The following CENPP variants were observed in gnomAD, a reference collection of about 807,000 sequenced individuals.
The protein encoded by CENPP is centromere protein P.
CENPP carries 24 observed loss-of-function variants against 35.6 expected under a neutral mutation model. The ratio of observed to expected loss-of-function variants is 0.67; its 90% CI spans 0.49 to 0.95. CENPP has a LOEUF of 0.95. Among genes scored for constraint, CENPP ranks in the 40% least tolerant of loss-of-function variants. CENPP has a pLI of 0.00. For missense variants in CENPP, 332 were observed against 345.3 expected (o/e 0.96, Z 0.31); for synonymous variants, 120 against 125.5 (o/e 0.96, Z 0.29).
rs1847369516 is a variant in CENPP at position 92,511,940 on chromosome 9, C to T, written c.565-99374C>T. On this transcript the variant is annotated intron_variant, in intron 5 of 7. Coordinates refer to ENST00000375587, the MANE Select transcript of CENPP (RefSeq NM_001012267.3). ...AGAAGCATTTTCCTTTTCCTCCCTT[C>T]CCCATCTCCAACCAATGCAAGTCAT... is the stretch of plus-strand genomic sequence containing the variant. The T allele has an allele frequency of 9.4e-6, 11 of 1,173,882 alleles. No homozygotes were observed. In the South Asian group the frequency reaches 1.5e-4, roughly 16 times the overall value. The allele number at this position is 1,173,882 out of a possible 1,614,324, so 72.7% of individuals were successfully genotyped here. A position where few individuals can be genotyped will look rare whatever the true frequency, so the allele number is the denominator to read the frequency against.
At chr9:92,403,462 G>T in intron 5 of CENPP, 1 of 1,535,832 alleles carries the variant, frequency 6.5e-7, no homozygotes. Flanking sequence ...TGCTGACTGT[G>T]GGACAAAACT....
intron 5 of CENPP, among the ~76,000 whole-genome samples, chr9:92,567,647 A>G (rs1850028240): frequency 6.6e-6 from 1 of 152,066 alleles, no homozygotes; most frequent in Admixed American, 6.6e-5. Flanking sequence ...AATTTAAGAA[A>G]CTAATGTATT....
chr9:92,385,499 T>G, intron 5 of CENPP: 1 of 854,182 alleles, frequency 1.2e-6, no homozygotes, highest in East Asian at 2.6e-5. Context: ...CTTAAAATAT[T>G]AAATTCCTTC....
At chr9:92,571,682 T>G (rs980257200) in intron 5 of CENPP, among the ~76,000 whole-genome samples, 2 of 152,182 alleles carry the variant, frequency 1.3e-5, no homozygotes, top group Non-Finnish European at 2.9e-5. Context: ...TAGTGGGGTG[T>G]TAAAGTCTCC....
At chr9:92,601,595 TG>T (rs2131387047) in intron 5 of CENPP, among the ~76,000 whole-genome samples, 1 of 152,298 alleles carries the variant, frequency 6.6e-6, no homozygotes, top group Non-Finnish European at 1.5e-5. Context: ...GTGCCTGGCC[TG>T]GTATTAGGCC....
At chr9:92,478,961 C>G (rs1845813771) in intron 5 of CENPP, among the ~76,000 whole-genome samples, 1 of 152,240 alleles carries the variant, frequency 6.6e-6, no homozygotes, top group South Asian at 2.1e-4. Context: ...TTCCTTGTGG[C>G]CTGGCAGCGG....
intron 5 of CENPP, among the ~76,000 whole-genome samples, chr9:92,441,721 T>C (rs531317051): frequency 6.6e-6 from 1 of 152,260 alleles, no homozygotes; most frequent in East Asian, 1.9e-4. Context: ...ATCGCGCCAC[T>C]GCACTCCAGC....
chr9:92,491,221 A>G (rs180670737), intron 5 of CENPP, among the ~76,000 whole-genome samples: 30 of 152,340 alleles, frequency 2.0e-4, no homozygotes, highest in African/African-American at 6.7e-4. Flanking sequence ...TGTAGGACCT[A>G]ACTAATAACA....
At chr9:92,457,064 A>G (rs1398587282) in intron 5 of CENPP, 1 of 1,318,552 alleles carries the variant, frequency 7.6e-7, no homozygotes, top group East Asian at 3.1e-5. Flanking sequence ...ATTTGTACGC[A>G]AAAAGAAACT....
At chr9:92,411,679 G>A (rs1390531526) in intron 5 of CENPP, among the ~76,000 whole-genome samples, 1 of 152,166 alleles carries the variant, frequency 6.6e-6, no homozygotes, top group East Asian at 1.9e-4. Context: ...TATTCATTTA[G>A]GAGGAGATAC....
rs569079681 is a variant in CENPP, at chr9:92,345,142, A to C, written c.379-557A>C. ...GTGGCGGGCACCTGTAGTCCCAGCT[A>C]CTCGGGAGACTGAGGCGGGAGAATG... On this transcript the variant is annotated intron_variant, in intron 3 of 7. Coordinates refer to ENST00000375587, the MANE Select transcript of CENPP (RefSeq NM_001012267.3). Among the ~76,000 whole-genome samples the C allele has an allele frequency of 1.3e-3, 192 of 151,744 alleles. No individual in the cohort carries two copies. The Middle Eastern group carries it at 0.041, about 32-fold the overall frequency.
chr9:92,423,074 A>G (rs1254826088), intron 5 of CENPP, among the ~76,000 whole-genome samples: 3 of 152,128 alleles, frequency 2.0e-5, no homozygotes, highest in Non-Finnish European at 4.4e-5. Flanking sequence ...CTCTCTACTA[A>G]TGTTGATTAT....
chr9:92,328,646 G>GA (rs1026462820), intron 1 of CENPP, among the ~76,000 whole-genome samples: 1 of 151,678 alleles, frequency 6.6e-6, no homozygotes, highest in Non-Finnish European at 1.5e-5. Flanking sequence ...GATTTTAAAG[G>GA]AAAAAAAATT....
intron 5 of CENPP, among the ~76,000 whole-genome samples, chr9:92,509,425 A>G (rs565226366): frequency 1.4e-4 from 22 of 152,306 alleles, no homozygotes; most frequent in Admixed American, 1.4e-3. Context: ...CCAACACATG[A>G]TAAATGAAAA....
intron 5 of CENPP, among the ~76,000 whole-genome samples, chr9:92,392,361 C>T (rs955487119): frequency 4.6e-5 from 7 of 152,276 alleles, no homozygotes; most frequent in South Asian, 2.1e-4. Context: ...TGGTGGCTCA[C>T]GCCTGTATTC....
intron 5 of CENPP, among the ~76,000 whole-genome samples, chr9:92,530,594 G>A (rs1444118822): frequency 1.3e-5 from 2 of 152,100 alleles, no homozygotes; most frequent in Admixed American, 6.6e-5. Flanking sequence ...AAATTTAGTC[G>A]TTATATCTTT....
In CENPP at chr9:92,600,481, G is replaced by C. The variant is rs375829783; in HGVS notation, c.565-10833G>C. The C allele has an allele frequency of 4.2e-5, 68 of 1,612,906 alleles. 1 individual carries two copies. In the East Asian group the frequency reaches 4.5e-4, roughly 11 times the overall value. ...AAGGGAGGATGGAGGCTCCCAGCTG[G>C]TCTGTTCTGCAAAGGTCTGGAGATG... On this transcript the variant is annotated intron_variant, in intron 5 of 7. Coordinates refer to ENST00000375587, the MANE Select transcript of CENPP (RefSeq NM_001012267.3).
At chr9:92,340,001 A>G (rs1054422680) in intron 3 of CENPP, 7 of 153,744 alleles carry the variant, frequency 4.6e-5, no homozygotes, top group Admixed American at 1.3e-4. Flanking sequence ...CCTGCAACCC[A>G]TGGCAGGTTG....
intron 5 of CENPP, among the ~76,000 whole-genome samples, chr9:92,445,808 G>A (rs1844538036): frequency 6.6e-6 from 1 of 151,818 alleles, no homozygotes; most frequent in Non-Finnish European, 1.5e-5. Flanking sequence ...ACTTGAACCT[G>A]AGAGGTGGAG....
Sources: gnomAD v4.1 joint callset for allele counts (sites outside exome capture counted in the v4.1 genomes callset) on GRCh38, gnomAD v4.1.1 for gene constraint, MANE v1.5 for transcripts, NCBI Gene and HGNC (gene_info 2026-07-23, HGNC 2026-07-21) for gene names.